DLX5: variants seen among roughly 807,000 people sequenced by gnomAD.
DLX5 encodes homeobox protein DLX-5.
In DLX5, 8 loss-of-function variants were observed where a neutral mutation model predicts 27.1. That is an observed-to-expected ratio of 0.30 (90% CI 0.17 to 0.53). DLX5 has a LOEUF of 0.53. DLX5 is among the 20% of genes least tolerant of loss of function. The pLI is 0.95. For synonymous variants in DLX5, 178 were observed against 161.9 expected, an observed-to-expected ratio of 1.10 and a Z score of -0.75; for missense variants, 339 against 375.1, an observed-to-expected ratio of 0.90 and a Z score of 0.80.
chr7:97,022,848 C>T (rs1397942767), intron 1 of DLX5, among the ~76,000 whole-genome samples: 1 of 152,114 alleles, frequency 6.6e-6, no homozygotes, highest in Non-Finnish European at 1.5e-5. Context: ...AGACGCTAAC[C>T]GAGGTCTCCA....
Position 97,020,586 on chromosome 7 carries a change from G to A in DLX5, c.*150C>T. 1 of 795,712 alleles carries A rather than the reference G, an allele frequency of 1.3e-6. No individual in the cohort carries two copies. The highest frequency in any genetic ancestry group is 1.8e-6 in the Non-Finnish European group (1 of 557,224). The allele number at this position is 795,712 out of a possible 1,614,324, so 49.3% of individuals were successfully genotyped here. On this transcript the variant is annotated 3_prime_UTR_variant, in exon 3 of 3. Transcript: ENST00000648378. ...TCTGTAAAAAAAGGGGGGGTCTTTT[G>A]AAATGCAATAACTTACATGCAAAAA...
chr7:97,021,929 A>G (rs1162193476), intron 2 of DLX5: 1 of 605,032 alleles, frequency 1.7e-6, no homozygotes, highest in Non-Finnish European at 2.9e-6. Flanking sequence ...AATTGGCCCC[A>G]CAGCTCCGGA....
Position 97,020,620 on chromosome 7 carries a change from A to G in DLX5, c.*116T>C, listed in dbSNP as rs576971046. ...TAACTTACATGCAAAAAAAAGCTTTACACATGAATCTTTTTCAGTTTTCCG... is the reference window on the plus strand; with the variant it reads ...TAACTTACATGCAAAAAAAAGCTTTGCACATGAATCTTTTTCAGTTTTCCG... On this transcript the variant is annotated 3_prime_UTR_variant, in exon 3 of 3. Coordinates refer to ENST00000648378, the MANE Select transcript of DLX5 (RefSeq NM_005221.6). 395 of 1,094,304 alleles carry G rather than the reference A, an allele frequency of 3.6e-4. 2 individuals are homozygous for G. In the African/African-American group the frequency reaches 5.7e-3, roughly 16 times the overall value. The allele number at this position is 1,094,304 out of a possible 1,614,324, so 67.8% of individuals were successfully genotyped here.
chr7:97,022,557 C>T, intron 1 of DLX5, 188 bp from the exon 2 acceptor site: 20 of 985,448 alleles, frequency 2.0e-5, no homozygotes, highest in Non-Finnish European at 2.4e-5. Flanking sequence ...AGCGGGATAG[C>T]CTCTGATTAA....
At chr7:97,022,008 A>G (rs547809410) in intron 2 of DLX5, 177 bp downstream of exon 2, 2 of 720,454 alleles carry the variant, frequency 2.8e-6, no homozygotes, top group East Asian at 2.7e-5. Flanking sequence ...GATGAATACC[A>G]TCCCCACCGT....
In DLX5 at chr7:97,024,131, G is replaced by A. The variant is rs1478783563; in HGVS notation, c.355+138C>T. 5 of 743,822 alleles carry A rather than the reference G, an allele frequency of 6.7e-6. No homozygotes were observed. The highest frequency in any genetic ancestry group is 1.1e-5 in the Non-Finnish European group (5 of 469,182). 46.1% of individuals were successfully genotyped at this position (743,822 alleles called of 1,614,324 possible). On this transcript the variant is annotated intron_variant, in intron 1 of 2. Transcript: ENST00000648378. This position sits in a 1 kb window ranked among gnomAD's most constrained non-coding sequence, Gnocchi z 4.6. The stretch of plus-strand genomic sequence containing the variant: ...GGCCCGAGAAACTCTCTTTGTTGGA[G>A]GGTCTGAGTCCTACTCCCTTCTGCC...
In DLX5 at chr7:97,024,509, C is replaced by T; in HGVS notation, c.115G>A (p.Glu39Lys). The T allele has an allele frequency of 1.2e-6, 2 of 1,614,202 alleles. No individual in the cohort carries two copies. The highest frequency in any genetic ancestry group is 1.7e-5 in the Admixed American group (1 of 60,030). The stretch of plus-strand genomic sequence containing the variant: ...TAGTCAGAATCGGTAGCTGAAGACT[C>T]GGGCAAAGTTGGCGATTCCTGAGAC... The part of the protein sequence containing the change: ...HPSQESPTLP[E>K]SSATDSDYYS... Residue 39 changes from glutamate to lysine, a missense_variant, in exon 1 of 3, where the codon GAG becomes AAG. By Grantham distance (56) the Glu-to-Lys change is moderately conservative (BLOSUM62 1). Coordinates refer to ENST00000648378, the MANE Select transcript of DLX5 (RefSeq NM_005221.6). The surrounding 1 kb of genome is among the most constrained non-coding windows in gnomAD (Gnocchi z 4.6).
chr7:97,020,691 A>C lies in DLX5; in HGVS notation c.*45T>G. ...TTTCTTTATGATTTTCTAGAACAGC[A>C]AAACACAGTAGTCCCAAAAAAGAGA... On this transcript the variant is annotated 3_prime_UTR_variant, in exon 3 of 3. Transcript: ENST00000648378. 3 of 1,475,938 alleles carry C rather than the reference A, an allele frequency of 2.0e-6. No homozygotes were observed. The highest frequency in any genetic ancestry group is 2.7e-6 in the Non-Finnish European group (3 of 1,106,116). The allele number at this position is 1,475,938 out of a possible 1,614,324, so 91.4% of individuals were successfully genotyped here. A position where few individuals can be genotyped will look rare whatever the true frequency, so the allele number is the denominator to read the frequency against.
At chr7:97,022,433 C>A in intron 1 of DLX5, 64 bp from the exon 2 acceptor site, 1 of 1,597,294 alleles carries the variant, frequency 6.3e-7, no homozygotes, top group Non-Finnish European at 8.5e-7. Context: ...TGCGGAAGGG[C>A]CTCAAATAGA....
In DLX5 at chr7:97,022,263, T is replaced by C. The variant is rs768877569; in HGVS notation, c.462A>G (p.Arg154=). The C allele has an allele frequency of 4.3e-6, 7 of 1,614,234 alleles. No homozygotes were observed. The highest frequency in any genetic ancestry group is 5.9e-6 in the Non-Finnish European group (7 of 1,180,034). The part of the protein sequence containing the change: ...YSSFQLAALQ[R]RFQKTQYLAL... ...CGAGGTACTGAGTCTTCTGAAACCTTCTCTGTAATGCGGCCAGCTGAAAGC... is the reference window on the plus strand; with the variant it reads ...CGAGGTACTGAGTCTTCTGAAACCTCCTCTGTAATGCGGCCAGCTGAAAGC... Residue 154 remains arginine, a synonymous_variant, in exon 2 of 3, where the codon AGA becomes AGG. Transcript: ENST00000648378.
chr7:97,022,528 C>A, intron 1 of DLX5, 159 bp from the exon 2 acceptor site: 1 of 985,314 alleles, frequency 1.0e-6, no homozygotes, highest in Non-Finnish European at 1.2e-6. Flanking sequence ...TAAATATGCA[C>A]CTACCCCAAA....
chr7:97,024,648 G>A lies in DLX5; in HGVS notation c.-25C>T, dbSNP rs1790145446. On this transcript the variant is annotated 5_prime_UTR_variant, in exon 1 of 3. Coordinates refer to ENST00000648378, the MANE Select transcript of DLX5 (RefSeq NM_005221.6). This position sits in a 1 kb window ranked among gnomAD's most constrained non-coding sequence, Gnocchi z 4.6. Reference sequence around the variant, plus strand: ...TCGCTCACGGGCGGCGGCAGCGGCTGTCCTTGCTGTTGTGGCGGCGGCAGC... The same window carrying A: ...TCGCTCACGGGCGGCGGCAGCGGCTATCCTTGCTGTTGTGGCGGCGGCAGC... The A allele has an allele frequency of 6.4e-7, 1 of 1,564,868 alleles. No homozygotes were observed. The highest frequency in any genetic ancestry group is 8.7e-7 in the Non-Finnish European group (1 of 1,152,380).
chr7:97,021,072 T>C lies in DLX5; in HGVS notation c.541-7A>G. On this transcript the variant is annotated splice_polypyrimidine_tract_variant and splice_region_variant and intron_variant, in intron 2 of 2. Transcript: ENST00000648378. ...TCTGAAACCAGATTTTCACCTGAGTTGGGGAACAAAGGCACACGTTACCGG... is the reference window on the plus strand; with the variant it reads ...TCTGAAACCAGATTTTCACCTGAGTCGGGGAACAAAGGCACACGTTACCGG... The C allele has an allele frequency of 6.3e-7, 1 of 1,597,766 alleles. No homozygotes were observed. Among genetic ancestry groups the C allele is most frequent in the Non-Finnish European group, 8.5e-7 (1 of 1,169,778 alleles).
chr7:97,022,749 C>T (rs1222780967), intron 1 of DLX5: 1 of 261,406 alleles, frequency 3.8e-6, no homozygotes, highest in Non-Finnish European at 5.9e-6. Context: ...AGCCCCTCCC[C>T]AGGCTTCAAG....
chr7:97,020,784 C>G lies in DLX5; in HGVS notation c.822G>C (p.Pro274=). Residue 274 remains proline (P), a synonymous_variant, in exon 3 of 3, where the codon CCG becomes CCC. Transcript: ENST00000648378. ...GCGCCAGCGGGTGCTGTAAGGAGCC[C>G]GGCGGCGGCAGGTGGGAATTGATTG... ...ASSINSHLPP[P]GSLQHPLALA... 10 of 1,610,414 alleles carry G rather than the reference C, an allele frequency of 6.2e-6. No homozygotes were observed. Among genetic ancestry groups the G allele is most frequent in the Non-Finnish European group, 8.5e-6 (10 of 1,177,292 alleles).
In DLX5 at chr7:97,024,730, G is replaced by A; in HGVS notation, c.-107C>T. On this transcript the variant is annotated 5_prime_UTR_variant, in exon 1 of 3. Coordinates refer to ENST00000648378, the MANE Select transcript of DLX5 (RefSeq NM_005221.6). This position sits in a 1 kb window ranked among gnomAD's most constrained non-coding sequence, Gnocchi z 4.6. ...TAAGCAGACATGGCTGTGGGAGCGA[G>A]GGAGGAGGAGGAAGAGGAGGAGGAG... 1 of 976,146 alleles carries A rather than the reference G, an allele frequency of 1.0e-6. No individual in the cohort carries two copies. Among genetic ancestry groups the A allele is most frequent in the Non-Finnish European group, 1.5e-6 (1 of 662,052 alleles). The allele number at this position is 976,146 out of a possible 1,614,324, so 60.5% of individuals were successfully genotyped here.
rs751513849 is a variant in DLX5, at chr7:97,024,468, C to G, written c.156G>C (p.Gly52=). The G allele has an allele frequency of 6.8e-6, 11 of 1,613,956 alleles. No individual in the cohort carries two copies. In the East Asian group the frequency reaches 2.2e-4, roughly 33 times the overall value. The change falls in exon 1 of 3, where the codon GGG becomes GGC. Residue 52 remains glycine, a synonymous_variant. Transcript: ENST00000648378. This position sits in a 1 kb window ranked among gnomAD's most constrained non-coding sequence, Gnocchi z 4.6. ...GAGAGCAGTAGCCGTGCGGGGCTCC[C>G]CCCGTAGGGCTGTAGTAGTCAGAAT... ...ATDSDYYSPT[G]GAPHGYCSPT... is the part of the protein sequence containing the mutation.
rs765735593 is a variant in DLX5, at chr7:97,020,718, T to TA, written c.*17dup. Reference sequence around the variant, plus strand: ...AACACAGTAGTCCCAAAAAAGAGAGTAAGAGAGAGCAGCCCATCTAATAGA... The same window carrying TA: ...AACACAGTAGTCCCAAAAAAGAGAGTAAAGAGAGAGCAGCCCATCTAATAGA... On this transcript the variant is annotated 3_prime_UTR_variant, in exon 3 of 3. Coordinates refer to ENST00000648378, the MANE Select transcript of DLX5 (RefSeq NM_005221.6). 2.6e-6 allele frequency: 4 copies of TA among 1,536,870 alleles called. No homozygotes were observed. The South Asian group carries it at 5.0e-5, about 19-fold the overall frequency.
rs1298056608 is a variant in DLX5, at chr7:97,024,439, G to A, written c.185C>T (p.Thr62Ile). ...GAGAGCTTTGCCATAGGAAGCCGAG[G>A]TAGGAGAGCAGTAGCCGTGCGGGGC... The part of the protein sequence containing the change: ...GGAPHGYCSP[T>I]SASYGKALNP... Residue 62 changes from threonine to isoleucine, a missense_variant, in exon 1 of 3, where the codon ACC (threonine) becomes ATC (isoleucine). Thr to Ile is a moderately conservative substitution (Grantham distance 89). Transcript: ENST00000648378. The surrounding 1 kb of genome is among the most constrained non-coding windows in gnomAD (Gnocchi z 4.6). The A allele has an allele frequency of 1.9e-6, 3 of 1,614,170 alleles. No individual in the cohort carries two copies. The highest frequency in any genetic ancestry group is 2.7e-5 in the African/African-American group (2 of 74,962).
Sources: gnomAD v4.1 joint callset for allele counts (sites outside exome capture counted in the v4.1 genomes callset) on GRCh38, gnomAD v4.1.1 for gene constraint, Gnocchi (gnomAD v3.1) non-coding constraint, MANE v1.5 for transcripts, NCBI Gene and HGNC (gene_info 2026-07-23, HGNC 2026-07-21) for gene names.